Variants in LRP1B observed in about 807,000 individuals in gnomAD.
LRP1B encodes low-density lipoprotein receptor-related protein 1B.
A neutral mutation model predicts 556.6 loss-of-function variants in LRP1B; 217 were observed. The ratio of observed to expected loss-of-function variants is 0.39; its 90% CI spans 0.35 to 0.44. The LOEUF is 0.44. LRP1B is among the 20% of genes least tolerant of loss of function. LRP1B has a pLI of 1.00. For missense variants in LRP1B, 5,053 were observed against 5,620.8 expected (o/e 0.90, Z 3.23); for synonymous variants, 2,047 against 1,865.8 (o/e 1.10, Z -2.50).
At chr2:141,835,726 T>C (rs2105752270) in intron 1 of LRP1B, among the ~76,000 whole-genome samples, 1 of 151,956 alleles carries the variant, frequency 6.6e-6, no homozygotes, top group South Asian at 2.1e-4. Context: ...TTTAGGACAT[T>C]ACTGAAAGAA....
At chr2:141,776,380 T>G (rs1695071891) in intron 2 of LRP1B, among the ~76,000 whole-genome samples, 1 of 152,250 alleles carries the variant, frequency 6.6e-6, no homozygotes, top group African/African-American at 2.4e-5. Context: ...CTCCATATAT[T>G]CTTGCTAAGT....
chr2:141,655,689 C>T (rs1689979551), intron 2 of LRP1B, among the ~76,000 whole-genome samples: 2 of 151,796 alleles, frequency 1.3e-5, no homozygotes, highest in South Asian at 4.2e-4. Context: ...TAGGCTTTTT[C>T]TTTTTTAATA....
chr2:141,869,221 G>A (rs1052456198), intron 1 of LRP1B, among the ~76,000 whole-genome samples: 3 of 152,016 alleles, frequency 2.0e-5, no homozygotes, highest in Non-Finnish European at 2.9e-5. Flanking sequence ...GTCATGTGTA[G>A]CTATTGAGCA....
intron 7 of LRP1B, among the ~76,000 whole-genome samples, chr2:141,070,446 T>G (rs1220098022): frequency 1.3e-5 from 2 of 151,606 alleles, no homozygotes; most frequent in African/African-American, 4.8e-5. Flanking sequence ...TTAAAAGAAC[T>G]AGAAAAGCAA....
At chr2:140,674,645 T>C (rs115414459) in intron 41 of LRP1B, among the ~76,000 whole-genome samples, 2,080 of 152,300 alleles carry the variant, frequency 0.014, 42 homozygotes, top group Admixed American at 0.046. Context: ...ATTGATGTCT[T>C]ATGTCTCCCT....
At chr2:140,262,098 T>G (rs1297945454) in intron 86 of LRP1B, among the ~76,000 whole-genome samples, 4 of 151,922 alleles carry the variant, frequency 2.6e-5, no homozygotes. Context: ...AAATGAAATA[T>G]GTACAAAAAT....
intron 3 of LRP1B, among the ~76,000 whole-genome samples, chr2:141,355,633 C>A (rs977018621): frequency 6.6e-6 from 1 of 152,012 alleles, no homozygotes; most frequent in Admixed American, 6.6e-5. Flanking sequence ...AAGTTTGTAG[C>A]CTTCTTTTGT....
intron 1 of LRP1B, among the ~76,000 whole-genome samples, chr2:141,879,235 A>T (rs891709288): frequency 2.0e-5 from 3 of 151,986 alleles, no homozygotes; most frequent in Middle Eastern, 3.4e-3. Context: ...ATTGATTTTT[A>T]AAAAATGTTA....
chr2:140,397,841 T>C (rs976782571), intron 66 of LRP1B, among the ~76,000 whole-genome samples: 5 of 152,200 alleles, frequency 3.3e-5, no homozygotes, highest in African/African-American at 1.2e-4. Context: ...AAGATCGTTC[T>C]TTAGGGACAT....
intron 43 of LRP1B, among the ~76,000 whole-genome samples, chr2:140,595,165 T>C (rs1177916709): frequency 1.5e-5 from 2 of 133,796 alleles, no homozygotes; most frequent in African/African-American, 2.8e-5. Context: ...GGGAATAAAA[T>C]AAGGAGTAGA....
At chr2:140,696,728 C>A (rs144136775) in intron 41 of LRP1B, among the ~76,000 whole-genome samples, 26 of 152,136 alleles carry the variant, frequency 1.7e-4, no homozygotes, top group African/African-American at 6.0e-4. Context: ...TATGAGGGAT[C>A]CAGATTGTGT....
At chr2:141,871,994 G>A in intron 1 of LRP1B, among the ~76,000 whole-genome samples, 1 of 151,902 alleles carries the variant, frequency 6.6e-6, no homozygotes. Context: ...GAGGCGATGA[G>A]AACCTAGCAG....
intron 11 of LRP1B, among the ~76,000 whole-genome samples, chr2:141,040,310 C>T (rs559058289): frequency 6.6e-6 from 1 of 152,150 alleles, no homozygotes; most frequent in Non-Finnish European, 1.5e-5. Flanking sequence ...GACATTATCA[C>T]ACTTTAAATT....
chr2:141,400,098 A>G (rs529637469), intron 3 of LRP1B, among the ~76,000 whole-genome samples: 2 of 151,926 alleles, frequency 1.3e-5, no homozygotes, highest in African/African-American at 4.8e-5. Flanking sequence ...TGATTCTCCC[A>G]CCTCAGGCTC....
At chr2:141,352,630 CA>C (rs1263359559) in intron 3 of LRP1B, among the ~76,000 whole-genome samples, 3 of 151,530 alleles carry the variant, frequency 2.0e-5, no homozygotes, top group Non-Finnish European at 3.0e-5. Context: ...GATGCTTACC[CA>C]AAAAAGTGAT....
At chr2:141,401,502 G>A (rs1397783275) in intron 3 of LRP1B, among the ~76,000 whole-genome samples, 1 of 152,116 alleles carries the variant, frequency 6.6e-6, no homozygotes, top group African/African-American at 2.4e-5. Flanking sequence ...GGTCTGTGTT[G>A]AGCAGATGGT....
At chr2:140,880,008 C>A (rs1375023211) in intron 25 of LRP1B, among the ~76,000 whole-genome samples, 1 of 150,806 alleles carries the variant, frequency 6.6e-6, no homozygotes, top group Non-Finnish European at 1.5e-5. Flanking sequence ...CCAACAAAAC[C>A]TTTATTAGTT....
At chr2:141,750,009 A>T (rs1325640319) in intron 2 of LRP1B, among the ~76,000 whole-genome samples, 1 of 152,144 alleles carries the variant, frequency 6.6e-6, no homozygotes, top group African/African-American at 2.4e-5. Flanking sequence ...GCATTGGCAA[A>T]CTAAAGACCA....
chr2:140,736,745 A>C (rs1258545690), intron 35 of LRP1B, among the ~76,000 whole-genome samples: 1 of 152,214 alleles, frequency 6.6e-6, no homozygotes, highest in Non-Finnish European at 1.5e-5. Flanking sequence ...TAAAACCATA[A>C]AAATCCTAGA....
Sources: gnomAD v4.1 joint callset for allele counts (sites outside exome capture counted in the v4.1 genomes callset) on GRCh38, gnomAD v4.1.1 for gene constraint, MANE v1.5 for transcripts, NCBI Gene and HGNC (gene_info 2026-07-23, HGNC 2026-07-21) for gene names.